ADAMTSL1: variants seen among roughly 807,000 people sequenced by gnomAD.
ADAMTSL1 encodes ADAMTS-like protein 1.
In ADAMTSL1, 126 loss-of-function variants were observed where a neutral mutation model predicts 201.8. The observed-to-expected ratio is 0.62, with a 90% CI of 0.54 to 0.72. The LOEUF is 0.72. ADAMTSL1 is among the 30% of genes least tolerant of loss of function. The pLI is 0.00. For synonymous variants in ADAMTSL1, 1,121 were observed against 903.4 expected, an observed-to-expected ratio of 1.24 and a Z score of -4.32; for missense variants, 2,679 against 2,277.8, an observed-to-expected ratio of 1.18 and a Z score of -3.59.
intron 2 of ADAMTSL1, among the ~76,000 whole-genome samples, chr9:18,450,792 A>G (rs892211262): frequency 6.6e-6 from 1 of 152,230 alleles, no homozygotes; most frequent in Admixed American, 6.5e-5. Flanking sequence ...AACATGGTTA[A>G]GTGAAAAATG....
intron 1 of ADAMTSL1, among the ~76,000 whole-genome samples, chr9:17,963,752 C>T (rs554780014): frequency 6.6e-6 from 1 of 152,206 alleles, no homozygotes; most frequent in South Asian, 2.1e-4. Context: ...TCTAGCCTAA[C>T]AGAAATTTTT....
chr9:18,149,560 T>C (rs1318704174), intron 1 of ADAMTSL1, among the ~76,000 whole-genome samples: 1 of 152,000 alleles, frequency 6.6e-6, no homozygotes, highest in African/African-American at 2.4e-5. Context: ...AAAAGCATCA[T>C]CTCAGGCCCT....
chr9:18,288,236 A>C (rs949593265), intron 2 of ADAMTSL1, among the ~76,000 whole-genome samples: 1 of 152,220 alleles, frequency 6.6e-6, no homozygotes, highest in Non-Finnish European at 1.5e-5. Context: ...AAATTAAGAC[A>C]GTTATCCAAT....
chr9:18,106,352 C>T (rs1824762162), intron 1 of ADAMTSL1, among the ~76,000 whole-genome samples: 1 of 152,214 alleles, frequency 6.6e-6, no homozygotes, highest in South Asian at 2.1e-4. Flanking sequence ...GCAGTGAAAA[C>T]ATCTTATAAA....
chr9:18,888,756 A>T lies in ADAMTSL1; in HGVS notation c.4462+713A>T, dbSNP rs1412701130. On this transcript the variant is annotated intron_variant, in intron 24 of 28. Coordinates refer to ENST00000380548, the MANE Select transcript of ADAMTSL1 (RefSeq NM_001040272.6). ...TTCCAAAATGAAGGATGTGATGGGA[A>T]GGGACAGAGTTTTGTGCCAATACGG... Among the ~76,000 whole-genome samples the T allele has an allele frequency of 2.0e-5, 3 of 152,200 alleles. No homozygotes were observed. The South Asian group carries it at 6.2e-4, about 32-fold the overall frequency.
chr9:18,149,224 G>T lies in ADAMTSL1; in HGVS notation c.88-14638G>T, dbSNP rs1301231500. ...GTCAGACTTACCGAGATAATGTTGA[G>T]TAAATATAAACCTATAGAGTTATAG... is the stretch of plus-strand genomic sequence containing the variant. On this transcript the variant is annotated intron_variant, in intron 1 of 29. Coordinates refer to the ADAMTSL1 transcript ENST00000680146. 2.0e-5 allele frequency among the ~76,000 whole-genome samples: 3 copies of T among 152,078 alleles called. No individual in the cohort carries two copies. The East Asian group carries it at 5.8e-4, about 30-fold the overall frequency.
At chr9:18,040,076 T>C (rs1586934069) in intron 1 of ADAMTSL1, among the ~76,000 whole-genome samples, 1 of 152,236 alleles carries the variant, frequency 6.6e-6, no homozygotes, top group African/African-American at 2.4e-5. Flanking sequence ...TATTCAGCAT[T>C]ATTTTATTTT....
At chr9:17,943,935 C>T (rs910526353) in intron 1 of ADAMTSL1, among the ~76,000 whole-genome samples, 6 of 151,596 alleles carry the variant, frequency 4.0e-5, no homozygotes, top group African/African-American at 1.2e-4. Context: ...ACAGAAGGAA[C>T]GAGAGAGAGG....
At chr9:18,694,817 C>T (rs1181252685) in intron 13 of ADAMTSL1, among the ~76,000 whole-genome samples, 2 of 152,200 alleles carry the variant, frequency 1.3e-5, no homozygotes, top group Non-Finnish European at 2.9e-5. Context: ...GCCTCCAATC[C>T]CACATTTCCC....
chr9:17,968,618 A>G (rs1352325090), intron 1 of ADAMTSL1, among the ~76,000 whole-genome samples: 1 of 152,134 alleles, frequency 6.6e-6, no homozygotes, highest in African/African-American at 2.4e-5. Context: ...CCACACAAAC[A>G]ATGTGGTATC....
intron 2 of ADAMTSL1, among the ~76,000 whole-genome samples, chr9:18,288,363 G>A (rs1833109024): frequency 6.6e-6 from 1 of 152,084 alleles, no homozygotes; most frequent in African/African-American, 2.4e-5. Flanking sequence ...ATATTTTTCT[G>A]TTTGCTTGTT....
chr9:17,992,028 C>T (rs1229173309), intron 1 of ADAMTSL1, among the ~76,000 whole-genome samples: 1 of 152,128 alleles, frequency 6.6e-6, no homozygotes. Context: ...ATTGATTGCC[C>T]TTCCCTGCTC....
intron 1 of ADAMTSL1, among the ~76,000 whole-genome samples, chr9:18,000,350 TC>T (rs1434809561): frequency 6.6e-6 from 1 of 151,752 alleles, no homozygotes; most frequent in South Asian, 2.1e-4. Flanking sequence ...CTTCTTTCCT[TC>T]CCCCCAACAT....
At chr9:18,248,633 A>G (rs930794729) in intron 2 of ADAMTSL1, among the ~76,000 whole-genome samples, 1 of 152,202 alleles carries the variant, frequency 6.6e-6, no homozygotes, top group African/African-American at 2.4e-5. Flanking sequence ...AAGGTTTCAG[A>G]GCCTCTCCAG....
chr9:18,457,620 C>T (rs573897233), intron 2 of ADAMTSL1, among the ~76,000 whole-genome samples: 4 of 152,300 alleles, frequency 2.6e-5, no homozygotes, highest in Non-Finnish European at 4.4e-5. Flanking sequence ...AGGCATAAGC[C>T]TCTGCACCCG....
At chr9:18,574,773 G>A (rs1376712820) in intron 4 of ADAMTSL1, among the ~76,000 whole-genome samples, 1 of 152,166 alleles carries the variant, frequency 6.6e-6, no homozygotes, top group Non-Finnish European at 1.5e-5. Context: ...TCATGGAAGA[G>A]CCAGCTAGGT....
chr9:17,914,487 A>T (rs1413694412), intron 1 of ADAMTSL1, among the ~76,000 whole-genome samples: 14 of 152,074 alleles, frequency 9.2e-5, no homozygotes, highest in Admixed American at 5.2e-4. Flanking sequence ...CATGCTAAAA[A>T]CTCTCAATAA....
rs1826655449 is a variant in ADAMTSL1 at position 17,928,717 on chromosome 9, CTGGGTGACA to C, written c.87+21796_87+21804del. On this transcript the variant is annotated intron_variant, in intron 1 of 29. Coordinates refer to the ADAMTSL1 transcript ENST00000680146. ...TTGAGGCCAGGAGTTCAAGACGAGC[CTGGGTGACA>C]GAGCAAGATCCTATCTCTAACAAGA... Among the ~76,000 whole-genome samples, 12 of 152,182 alleles carry C rather than the reference CTGGGTGACA, an allele frequency of 7.9e-5. No individual in the cohort carries two copies. In the South Asian group the frequency reaches 2.3e-3, roughly 29 times the overall value.
At chr9:18,612,950 A>G (rs1423284734) in intron 4 of ADAMTSL1, among the ~76,000 whole-genome samples, 2 of 152,166 alleles carry the variant, frequency 1.3e-5, no homozygotes, top group African/African-American at 4.8e-5. Flanking sequence ...TGGAGAAAAT[A>G]TTTGCAAACT....
Sources: allele counts gnomAD v4.1 joint callset (sites outside exome capture counted in the v4.1 genomes callset), GRCh38; gene constraint gnomAD v4.1.1; transcripts MANE v1.5; gene names NCBI Gene and HGNC (gene_info 2026-07-23, HGNC 2026-07-21).